MCM5: variants seen among roughly 807,000 people sequenced by gnomAD.
The protein encoded by MCM5 is minichromosome maintenance complex component 5, also known as DNA replication licensing factor MCM5.
In MCM5, 46 loss-of-function variants were observed where a neutral mutation model predicts 79.9. The ratio of observed to expected loss-of-function variants is 0.58; its 90% CI spans 0.45 to 0.74. MCM5 has a LOEUF of 0.74. Among genes scored for constraint, MCM5 ranks in the 30% least tolerant of loss-of-function variants. The pLI is 0.00. For synonymous variants in MCM5, 404 were observed against 390.5 expected, an observed-to-expected ratio of 1.03 and a Z score of -0.41; for missense variants, 883 against 1,017.0, an observed-to-expected ratio of 0.87 and a Z score of 1.79.
chr22:35,416,348 G>T lies in MCM5; in HGVS notation c.1357G>T (p.Asp453Tyr), dbSNP rs1209001787. 2 of 1,613,802 alleles carry T rather than the reference G, an allele frequency of 1.2e-6. No individual in the cohort carries two copies. The highest frequency in any genetic ancestry group is 1.7e-6 in the Non-Finnish European group (2 of 1,180,010). ...TCTCTTCCCCACTTAGATGCGAGAA[G>T]ATGACCGTGTGGCAATCCACGAAGC... ...CIDEFDKMRE[D>Y]DRVAIHEAME... Residue 453 changes from aspartate to tyrosine, a missense_variant, in exon 11 of 17, where the codon GAT becomes TAT. Asp to Tyr is a radical substitution (Grantham distance 160, BLOSUM62 -3). Transcript: ENST00000216122.
rs1009345587 is a variant in MCM5, at chr22:35,400,421, C to T, written c.-8-10C>T. On this transcript the variant is annotated splice_polypyrimidine_tract_variant and intron_variant, in intron 1 of 16. Transcript: ENST00000216122. ...CCCCAGCCTGTTCTGGCCGTTTGTTCCCACCCCAGGCGCAGTCATGTCGGG... is the reference window on the plus strand; with the variant it reads ...CCCCAGCCTGTTCTGGCCGTTTGTTTCCACCCCAGGCGCAGTCATGTCGGG... The T allele has an allele frequency of 6.2e-7, 1 of 1,613,810 alleles. No individual in the cohort carries two copies. Among genetic ancestry groups the T allele is most frequent in the African/African-American group, 1.3e-5 (1 of 74,934 alleles).
At chr22:35,401,232 C>T in intron 2 of MCM5, 1 of 372,892 alleles carries the variant, frequency 2.7e-6, no homozygotes, top group South Asian at 2.0e-5. Context: ...TTATCCAGAT[C>T]TTGTTCCTGT....
At chr22:35,423,447 CG>C in intron 16 of MCM5, 106 bp downstream of exon 16, 5 of 1,312,744 alleles carry the variant, frequency 3.8e-6, no homozygotes, top group Admixed American at 2.4e-5. Context: ...AGGCCCTGAA[CG>C]GGGGTAGGAT....
At chr22:35,443,197 A>AT in the MCM5 span, among the ~76,000 whole-genome samples, 10 of 151,864 alleles carry the variant, frequency 6.6e-5, no homozygotes, top group Non-Finnish European at 1.5e-4. Flanking sequence ...GTGCAAAAAA[A>AT]TTTTTTTTAC....
chr22:35,415,108 C>T (rs757136153), intron 9 of MCM5, among the ~76,000 whole-genome samples: 5 of 152,100 alleles, frequency 3.3e-5, no homozygotes, highest in Non-Finnish European at 5.9e-5. Context: ...CCTGTAGTCC[C>T]AGCTACTTGG....
intron 3 of MCM5, 37 bp from the exon 4 acceptor site, chr22:35,403,377 C>T (rs1488798046): frequency 6.2e-7 from 1 of 1,614,072 alleles, no homozygotes; most frequent in Non-Finnish European, 8.5e-7. Context: ...CTGCTCTGCC[C>T]CAGTTACTAA....
At chr22:35,446,810 A>C in the MCM5 span, among the ~76,000 whole-genome samples, 1 of 139,350 alleles carries the variant, frequency 7.2e-6, no homozygotes, top group African/African-American at 2.8e-5. Context: ...TCATCACCCA[A>C]ATCCTTTCTG....
chr22:35,439,139 T>TCC, the MCM5 span, among the ~76,000 whole-genome samples: 1 of 123,216 alleles, frequency 8.1e-6, no homozygotes, highest in Non-Finnish European at 1.7e-5. Context: ...ATCCATCCAC[T>TCC]CACATATTCA....
the MCM5 span, among the ~76,000 whole-genome samples, chr22:35,430,820 T>TC: frequency 6.6e-6 from 1 of 151,258 alleles, no homozygotes; most frequent in Non-Finnish European, 1.5e-5. Context: ...TTTTTTTTTT[T>TC]TTTCAGTCGT....
chr22:35,435,921 C>A, the MCM5 span, among the ~76,000 whole-genome samples: 1 of 152,148 alleles, frequency 6.6e-6, no homozygotes, highest in African/African-American at 2.4e-5. Flanking sequence ...AATCCCAGCA[C>A]TTTGGGAGGC....
chr22:35,416,097 C>T lies in MCM5; in HGVS notation c.1347+125C>T, dbSNP rs1932532445. 4 of 1,250,280 alleles carry T rather than the reference C, an allele frequency of 3.2e-6. No homozygotes were observed. In the South Asian group the frequency reaches 4.1e-5, roughly 13 times the overall value. The allele number at this position is 1,250,280 out of a possible 1,614,324, so 77.4% of individuals were successfully genotyped here. ...ATGTTTTCAATCCCTGGGCCGGTCA[C>T]TCTAGTAACTGTGGGAAGCTGCTTA... On this transcript the variant is annotated intron_variant, in intron 10 of 16. Coordinates refer to ENST00000216122, the MANE Select transcript of MCM5 (RefSeq NM_006739.4).
chr22:35,439,913 C>G, the MCM5 span, among the ~76,000 whole-genome samples: 1 of 152,186 alleles, frequency 6.6e-6, no homozygotes, highest in African/African-American at 2.4e-5. Flanking sequence ...TTGGCTGCAC[C>G]CACCTTCCTT....
chr22:35,421,914 GTC>G, intron 15 of MCM5: 2 of 279,254 alleles, frequency 7.2e-6, no homozygotes, highest in Non-Finnish European at 1.4e-5. Context: ...CAAGATCACA[GTC>G]GCTTGGCTGG....
the MCM5 span, among the ~76,000 whole-genome samples, chr22:35,441,055 CA>C: frequency 0.016 from 1,555 of 96,160 alleles, 26 homozygotes; most frequent in African/African-American, 0.047. Context: ...GAAACTCTGT[CA>C]AAAAAAAAAA....
chr22:35,440,402 G>A, the MCM5 span, among the ~76,000 whole-genome samples: 1 of 152,228 alleles, frequency 6.6e-6, no homozygotes, highest in Non-Finnish European at 1.5e-5. Context: ...TGAACTGGCT[G>A]ATCCCTGAAG....
chr22:35,420,120 C>A (rs1335360580), intron 14 of MCM5, 108 bp downstream of exon 14: 3 of 1,329,040 alleles, frequency 2.3e-6, no homozygotes, highest in East Asian at 2.6e-5. Flanking sequence ...TGGCACAGGC[C>A]CATAGTAGCT....
chr22:35,417,998 G>C (rs1014305637), intron 13 of MCM5, 142 bp downstream of exon 13: 22 of 624,972 alleles, frequency 3.5e-5, no homozygotes, highest in Non-Finnish European at 6.4e-5. Context: ...TACTGAATCT[G>C]CTCTGCTCCC....
downstream of MCM5, among the ~76,000 whole-genome samples, chr22:35,428,328 A>T (rs866677756): frequency 9.3e-5 from 14 of 151,044 alleles, no homozygotes; most frequent in Non-Finnish European, 1.0e-4. Flanking sequence ...GGCCTATTTT[A>T]TTATTTTTTT....
chr22:35,433,021 A>G, the MCM5 span, among the ~76,000 whole-genome samples: 9 of 151,756 alleles, frequency 5.9e-5, no homozygotes, highest in African/African-American at 2.2e-4. Context: ...TGCACCCTCA[A>G]CCTTGTGGGC....
Sources: allele counts gnomAD v4.1 joint callset (sites outside exome capture counted in the v4.1 genomes callset), GRCh38; gene constraint gnomAD v4.1.1; transcripts MANE v1.5; gene names NCBI Gene and HGNC (gene_info 2026-07-23, HGNC 2026-07-21).